PCNT: variants seen among roughly 807,000 people sequenced by gnomAD.
The protein encoded by PCNT is pericentrin.
PCNT carries 319 observed loss-of-function variants against 380.4 expected under a neutral mutation model. The observed-to-expected ratio is 0.84, with a 90% CI of 0.77 to 0.92. The LOEUF (loss-of-function observed/expected upper bound fraction) is 0.92, where lower values mean the gene tolerates loss of function less well. PCNT is among the 40% of genes least tolerant of loss of function. The pLI is 0.00. For missense variants in PCNT, 4,400 were observed against 4,255.3 expected, an observed-to-expected ratio of 1.03 and a Z score of -0.95; for synonymous variants, 1,845 against 1,735.2, an observed-to-expected ratio of 1.06 and a Z score of -1.57.
At chr21:46,432,316 T>A in intron 38 of PCNT, 101 bp downstream of exon 38, 3 of 1,127,392 alleles carry the variant, frequency 2.7e-6, no homozygotes, top group Non-Finnish European at 3.9e-6. Flanking sequence ...TCTGGCCCTC[T>A]GACCTGGTCT....
At chr21:46,424,830 C>A (rs1302312282) in intron 32 of PCNT, among the ~76,000 whole-genome samples, 1 of 151,256 alleles carries the variant, frequency 6.6e-6, no homozygotes, top group Non-Finnish European at 1.5e-5. Flanking sequence ...CAGTTTGCAT[C>A]CATCCTGTGC....
chr21:46,354,845 T>A (rs957888930), intron 11 of PCNT, among the ~76,000 whole-genome samples: 1 of 152,102 alleles, frequency 6.6e-6, no homozygotes, highest in Non-Finnish European at 1.5e-5. Flanking sequence ...ACACAGAATT[T>A]GCTGCACAAG....
rs1324068807 is a variant in PCNT, at chr21:46,353,749, TGTGA to T, written c.1680-236_1680-233del. The stretch of plus-strand genomic sequence containing the variant: ...GTGTGTGTGTGTGTGTGTGTGTGTG[TGTGA>T]GAGAGACAGAGAGAGAGTCAGTGGC... On this transcript the variant is annotated intron_variant, in intron 10 of 46. Coordinates refer to ENST00000359568, the MANE Select transcript of PCNT (RefSeq NM_006031.6). Among the ~76,000 whole-genome samples, 2,913 of 100,314 alleles carry T rather than the reference TGTGA, an allele frequency of 0.029. 65 individuals carry two copies. Among genetic ancestry groups the T allele is most frequent in the African/African-American group, 0.07 (2,063 of 29,510 alleles). 65.8% of individuals were successfully genotyped at this position (100,314 alleles called of 152,430 possible).
chr21:46,347,094 G>A lies in PCNT; in HGVS notation c.976+96G>A, dbSNP rs9981892. On this transcript the variant is annotated intron_variant, in intron 5 of 46. Transcript: ENST00000359568. ...TGGGGTTGGGAGCTGGGGCGCCCTA[G>A]CACCGTCTCCCCATCTCTGTTCTCA... 187,938 of 1,430,402 alleles carry A rather than the reference G, an allele frequency of 0.13. 13,033 individuals are homozygous for A. Among genetic ancestry groups the A allele is most frequent in the East Asian group, 0.22 (9,073 of 40,820 alleles). The allele number at this position is 1,430,402 out of a possible 1,614,324, so 88.6% of individuals were successfully genotyped here. A position where few individuals can be genotyped will look rare whatever the true frequency, so the allele number is the denominator to read the frequency against.
chr21:46,444,387 G>A (rs1228045673), intron 45 of PCNT, among the ~76,000 whole-genome samples: 1 of 152,200 alleles, frequency 6.6e-6, no homozygotes, highest in Non-Finnish European at 1.5e-5. Context: ...AACAGTTTGG[G>A]AAGATCAGGA....
chr21:46,357,619 G>A (rs892901853), intron 13 of PCNT, among the ~76,000 whole-genome samples: 1 of 152,154 alleles, frequency 6.6e-6, no homozygotes, highest in African/African-American at 2.4e-5. Flanking sequence ...TGTAGAGACA[G>A]GGTTTCACCT....
chr21:46,351,979 C>T (rs1258289057), intron 9 of PCNT, among the ~76,000 whole-genome samples: 1 of 152,242 alleles, frequency 6.6e-6, no homozygotes, highest in Non-Finnish European at 1.5e-5. Flanking sequence ...CTGAAGGCAG[C>T]TCTGCTCCAG....
At chr21:46,426,003 A>G (rs1242371689) in intron 33 of PCNT, 32 bp downstream of exon 33, 2 of 1,612,356 alleles carry the variant, frequency 1.2e-6, no homozygotes, top group African/African-American at 2.7e-5. Context: ...CTTCTTTTCC[A>G]AAGGATTTAA....
In PCNT at chr21:46,389,439, C is replaced by G. The variant is rs923745429; in HGVS notation, c.3840+8C>G. ...CTGGACTCCAGCAGGCAGGTGAGGC[C>G]CAGGCTCCCGGGGTCCTGTGGAGAT... is the stretch of plus-strand genomic sequence containing the variant. On this transcript the variant is annotated splice_region_variant and intron_variant, in intron 19 of 46. Coordinates refer to ENST00000359568, the MANE Select transcript of PCNT (RefSeq NM_006031.6). The G allele has an allele frequency of 1.2e-6, 2 of 1,609,434 alleles. No individual in the cohort carries two copies. Among genetic ancestry groups the G allele is most frequent in the Non-Finnish European group, 1.7e-6 (2 of 1,175,988 alleles).
At chr21:46,378,555 G>A (rs1178910770) in intron 15 of PCNT, among the ~76,000 whole-genome samples, 1 of 152,064 alleles carries the variant, frequency 6.6e-6, no homozygotes, top group African/African-American at 2.4e-5. Context: ...CCCCGGCCTG[G>A]CCTGCGAGAT....
Position 46,421,953 on chromosome 21 carries a change from C to A in PCNT, c.7025-17C>A, listed in dbSNP as rs777970330. 79 of 1,613,600 alleles carry A rather than the reference C, an allele frequency of 4.9e-5. No individual in the cohort carries two copies. In the South Asian group the frequency reaches 8.1e-4, roughly 17 times the overall value. On this transcript the variant is annotated splice_polypyrimidine_tract_variant and intron_variant, in intron 31 of 46. Coordinates refer to ENST00000359568, the MANE Select transcript of PCNT (RefSeq NM_006031.6). ...TGGAGAGCTGTGGGTGGGACCCTGACCCTGTGGTGTTTTTAGGTGACGGCT... is the reference window on the plus strand; with the variant it reads ...TGGAGAGCTGTGGGTGGGACCCTGAACCTGTGGTGTTTTTAGGTGACGGCT...
At position 46,430,373 on chromosome 21, in the gene PCNT, T is replaced by G; in HGVS notation, c.7914-134T>G. 10 of 1,408,804 alleles carry G rather than the reference T, an allele frequency of 7.1e-6. No homozygotes were observed. The South Asian group carries it at 1.2e-4, about 17-fold the overall frequency. The allele number at this position is 1,408,804 out of a possible 1,614,324, so 87.3% of individuals were successfully genotyped here. On this transcript the variant is annotated intron_variant, in intron 36 of 46. Transcript: ENST00000359568. ...GCACCGCGCCCTGCTGTCCCTGGGT[T>G]GATAATCCTGTGGTGGGGGGTGAAG...
At chr21:46,329,081 A>G (rs1601743136) in intron 2 of PCNT, among the ~76,000 whole-genome samples, 2 of 152,308 alleles carry the variant, frequency 1.3e-5, no homozygotes, top group African/African-American at 4.8e-5. Context: ...GCCTGCATAG[A>G]CGTTTTAAAA....
chr21:46,331,144 G>C (rs1450265751), intron 2 of PCNT, among the ~76,000 whole-genome samples: 1 of 152,094 alleles, frequency 6.6e-6, no homozygotes, highest in Non-Finnish European at 1.5e-5. Flanking sequence ...AAATACTGAT[G>C]ATTTCTAGCA....
chr21:46,363,345 C>T, intron 13 of PCNT, 135 bp from the exon 14 acceptor site: 1 of 716,742 alleles, frequency 1.4e-6, no homozygotes, highest in Non-Finnish European at 2.5e-6. Context: ...GAGAATCATT[C>T]CTGTTGCTGT....
rs1319069846 is a variant in PCNT at position 46,397,376 on chromosome 21, TAGA to T, written c.4333_4335del (p.Glu1445del). ...CAGATGAAGATTTTGGAGTCTGAGT[TAGA>T]AGAACAGCTGTCTCAGCATCGCGGG... On this transcript the variant is annotated inframe_deletion, in exon 22 of 47. Transcript: ENST00000359568. 3.1e-6 allele frequency: 5 copies of T among 1,614,026 alleles called. No homozygotes were observed. Among genetic ancestry groups the T allele is most frequent in the East Asian group, 2.2e-5 (1 of 44,886 alleles).
chr21:46,386,576 G>A (rs2085845833), intron 17 of PCNT, among the ~76,000 whole-genome samples: 3 of 152,224 alleles, frequency 2.0e-5, no homozygotes, highest in African/African-American at 7.2e-5. Context: ...GGGCCGTGGG[G>A]CCGCCTTCCC....
intron 27 of PCNT, among the ~76,000 whole-genome samples, chr21:46,406,246 G>A (rs945229036): frequency 2.6e-5 from 4 of 152,132 alleles, no homozygotes; most frequent in Non-Finnish European, 4.4e-5. Context: ...CTCAATGTGG[G>A]CCCTCCCTCC....
intron 13 of PCNT, among the ~76,000 whole-genome samples, chr21:46,358,628 G>GT (rs35030158): frequency 0.4 from 56,385 of 142,062 alleles, 11,314 homozygotes; most frequent in Admixed American, 0.46. Context: ...TTGTTGTTTT[G>GT]TTTTTTTTTT....
Sources: gnomAD v4.1 joint callset for allele counts (sites outside exome capture counted in the v4.1 genomes callset) on GRCh38, gnomAD v4.1.1 for gene constraint, MANE v1.5 for transcripts, NCBI Gene and HGNC (gene_info 2026-07-23, HGNC 2026-07-21) for gene names.